The following MACF1 variants were observed in gnomAD, a reference collection of about 807,000 sequenced individuals.
MACF1 encodes microtubule actin crosslinking factor 1.
Under a neutral mutation model 854.8 loss-of-function variants are expected in MACF1, and 193 were observed. That is an observed-to-expected ratio of 0.23 (90% CI 0.20 to 0.25). MACF1 has a LOEUF of 0.25. Among genes scored for constraint, MACF1 ranks in the 10% least tolerant of loss-of-function variants. MACF1 has a pLI of 1.00. For synonymous variants in MACF1, 3,185 were observed against 3,226.7 expected (o/e 0.99, Z 0.44); for missense variants, 7,722 against 8,929.1 (o/e 0.86, Z 5.45).
At chr1:39,276,857 G>A (rs1433496301) in intron 6 of MACF1, among the ~76,000 whole-genome samples, 1 of 151,918 alleles carries the variant, frequency 6.6e-6, no homozygotes, top group Non-Finnish European at 1.5e-5. Flanking sequence ...AGGCTTCCAG[G>A]GAGCTTATAG....
At chr1:39,194,340 TC>T (rs1557510759) in intron 2 of MACF1, among the ~76,000 whole-genome samples, 33 of 69,096 alleles carry the variant, frequency 4.8e-4, no homozygotes, top group East Asian at 7.3e-4. Flanking sequence ...TCTTTTCTTT[TC>T]TTTTCTTTTC....
rs752444896 is a variant in MACF1, at chr1:39,336,070, A to G, written c.9482A>G (p.Gln3161Arg). Residue 3161 changes from glutamine (Q) to arginine (R), a missense_variant, in exon 37 of 101, where the codon CAA becomes CGA. Gln to Arg is a conservative substitution (Grantham distance 43, BLOSUM62 1). This residue lies in a region of MACF1 where 854 missense variants were observed against 852.6 expected (regional missense o/e 1.00). Coordinates refer to ENST00000564288, the MANE Select transcript of MACF1 (RefSeq NM_001394062.1). ...TCGAAAACTAAGGAAACCAAACATC[A>G]AATTTCCTCATCTAATGAATGTAAA... ...VTSKTKETKH[Q>R]ISSSNECKEK... 6 of 1,613,906 alleles carry G rather than the reference A, an allele frequency of 3.7e-6. No individual in the cohort carries two copies. Among genetic ancestry groups the G allele is most frequent in the Middle Eastern group, 1.6e-4 (1 of 6,084 alleles).
At chr1:39,099,992 G>A (rs1013760636) in intron 2 of MACF1, among the ~76,000 whole-genome samples, 2 of 152,222 alleles carry the variant, frequency 1.3e-5, no homozygotes, top group Non-Finnish European at 2.9e-5. Context: ...GAGGCAGGCC[G>A]ACTACTTGAG....
chr1:39,352,702 A>G (rs1400425261), intron 43 of MACF1, among the ~76,000 whole-genome samples: 1 of 151,660 alleles, frequency 6.6e-6, no homozygotes, highest in Non-Finnish European at 1.5e-5. Context: ...TATTTTTAGT[A>G]GAGATGGGGT....
At chr1:39,201,809 T>C (rs1290124291), upstream of MACF1, among the ~76,000 whole-genome samples, 2 of 152,134 alleles carry the variant, frequency 1.3e-5, no homozygotes, top group African/African-American at 4.8e-5. Flanking sequence ...CTTCTGATAC[T>C]CTTTCCTTTC....
At position 39,437,815 on chromosome 1, in the gene MACF1, G is replaced by A; in HGVS notation, c.18027G>A (p.Glu6009=). ...DKIEPMLETL[E]NLSSRLRMPP... ...TTGAGCCTATGTTGGAGACACTGGA[G>A]AATCTTTCCTCTCGCCTGCGTATGC... The change falls in exon 71 of 101, where the codon GAG becomes GAA. Residue 6009 remains glutamate, a synonymous_variant. Transcript: ENST00000564288. The A allele has an allele frequency of 1.2e-6, 2 of 1,614,112 alleles. No individual in the cohort carries two copies. Among genetic ancestry groups the A allele is most frequent in the Non-Finnish European group, 1.7e-6 (2 of 1,180,008 alleles).
At position 39,340,919 on chromosome 1, in the gene MACF1, T is replaced by C. The variant is rs749373063; in HGVS notation, c.10547T>C (p.Val3516Ala). Residue 3516 changes from valine to alanine, a missense_variant, in exon 40 of 101, where the codon GTT (valine) becomes GCT (alanine). Coordinates refer to ENST00000564288, the MANE Select transcript of MACF1 (RefSeq NM_001394062.1). ...AAGGGATCTAACAGTGAAATAGATGTTGACAGCCTGAACCTCTGCCTCCAA... is the reference window on the plus strand; with the variant it reads ...AAGGGATCTAACAGTGAAATAGATGCTGACAGCCTGAACCTCTGCCTCCAA... ...NSKGSNSEID[V>A]DSLNLCLQQY... The C allele has an allele frequency of 1.9e-6, 3 of 1,613,054 alleles. No individual in the cohort carries two copies. Among genetic ancestry groups the C allele is most frequent in the South Asian group, 1.1e-5 (1 of 90,778 alleles).
chr1:39,369,055 T>C (rs558540085), intron 50 of MACF1, among the ~76,000 whole-genome samples: 1 of 147,010 alleles, frequency 6.8e-6, no homozygotes, highest in Non-Finnish European at 1.5e-5. Flanking sequence ...ACCAGGCTAC[T>C]TGTGAACTCC....
chr1:39,351,879 T>C (rs1429571390), intron 43 of MACF1, among the ~76,000 whole-genome samples: 1 of 152,118 alleles, frequency 6.6e-6, no homozygotes, highest in Admixed American at 6.5e-5. Flanking sequence ...TGAGTCACCA[T>C]GCCTGGCCAA....
intron 61 of MACF1, among the ~76,000 whole-genome samples, chr1:39,426,807 T>A (rs1344622306): frequency 6.6e-6 from 1 of 152,128 alleles, no homozygotes; most frequent in African/African-American, 2.4e-5. Context: ...GTTGGCAAAT[T>A]CAGCCAGCGT....
intron 2 of MACF1, among the ~76,000 whole-genome samples, chr1:39,095,581 A>G (rs1250509187): frequency 1.3e-5 from 2 of 150,374 alleles, no homozygotes; most frequent in African/African-American, 4.9e-5. Flanking sequence ...AAAAAAAAAA[A>G]AAAGAAATGT....
At chr1:39,325,558 T>C (rs1451229178) in intron 35 of MACF1, among the ~76,000 whole-genome samples, 1 of 152,224 alleles carries the variant, frequency 6.6e-6, no homozygotes, top group Non-Finnish European at 1.5e-5. Flanking sequence ...GACTTAACTA[T>C]GTTTTCGAGT....
At chr1:39,444,574 G>A in intron 79 of MACF1, 88 bp from the exon 80 acceptor site, 2 of 1,214,664 alleles carry the variant, frequency 1.6e-6, no homozygotes, top group South Asian at 3.3e-5. Context: ...GCCCTTCCTG[G>A]ACTTTCCCAG....
chr1:39,187,156 A>G (rs1380704493), intron 2 of MACF1, among the ~76,000 whole-genome samples: 1 of 152,130 alleles, frequency 6.6e-6, no homozygotes, highest in Admixed American at 6.5e-5. Flanking sequence ...TTGTGATTAT[A>G]TAAATATTGC....
Position 39,441,043 on chromosome 1 carries a change from A to G in MACF1, c.18488A>G (p.Glu6163Gly). 1 of 1,614,158 alleles carries G rather than the reference A, an allele frequency of 6.2e-7. No individual in the cohort carries two copies. Among genetic ancestry groups the G allele is most frequent in the Non-Finnish European group, 8.5e-7 (1 of 1,180,024 alleles). Residue 6163 changes from glutamate (E) to glycine (G), a missense_variant, in exon 73 of 101, where the codon GAG (glutamate) becomes GGG (glycine). Physicochemically the swap from Glu to Gly is moderately conservative, Grantham distance 98. Coordinates refer to ENST00000564288, the MANE Select transcript of MACF1 (RefSeq NM_001394062.1). ...EETDGLHEEL[E>G]FIRILGADLI... is the part of the protein sequence containing the mutation. ...ACAGATGGTCTGCATGAAGAGCTGGAGTTTATTCGGATCCTTGGAGCAGAT... is the reference window on the plus strand; with the variant it reads ...ACAGATGGTCTGCATGAAGAGCTGGGGTTTATTCGGATCCTTGGAGCAGAT...
chr1:39,268,884 A>G, intron 6 of MACF1: 1 of 1,289,302 alleles, frequency 7.8e-7, no homozygotes, highest in Non-Finnish European at 1.0e-6. Context: ...AGAGACTGAA[A>G]CCCTAACGAA....
chr1:39,311,029 GT>G (rs2148435991), intron 26 of MACF1, 29 bp downstream of exon 26: 1 of 1,594,742 alleles, frequency 6.3e-7, no homozygotes, highest in Non-Finnish European at 8.5e-7. Context: ...GTGGATGCTG[GT>G]TGTGGAGTGA....
intron 2 of MACF1, among the ~76,000 whole-genome samples, chr1:39,112,018 C>T (rs535945629): frequency 6.6e-6 from 1 of 152,012 alleles, no homozygotes; most frequent in Non-Finnish European, 1.5e-5. Flanking sequence ...AACCCTTCCC[C>T]CTGTGTCCTG....
intron 70 of MACF1, chr1:39,436,611 T>C: frequency 4.3e-6 from 4 of 926,540 alleles, no homozygotes; most frequent in Non-Finnish European, 1.8e-6. Flanking sequence ...CAGTTTATTA[T>C]GCCAGTTTCA....
Sources: gnomAD v4.1 joint callset for allele counts (sites outside exome capture counted in the v4.1 genomes callset) on GRCh38, gnomAD v4.1.1 for gene constraint, gnomAD v4.1.1 regional missense constraint, MANE v1.5 for transcripts, NCBI Gene and HGNC (gene_info 2026-07-23, HGNC 2026-07-21) for gene names.